SPRED2: variants seen among roughly 807,000 people sequenced by gnomAD.
SPRED2 encodes sprouty related EVH1 domain containing 2.
SPRED2 carries 47 observed loss-of-function variants against 43.0 expected under a neutral mutation model. The observed-to-expected ratio is 1.09, with a 90% confidence interval of 0.87 to 1.40. The LOEUF (loss-of-function observed/expected upper bound fraction) is 1.40. SPRED2 is among the 40% of genes most tolerant of loss of function. The probability of loss-of-function intolerance (pLI) is 0.00; values close to 1 mark genes in which losing one functional copy is unlikely to be tolerated. For missense variants in SPRED2, 561 were observed against 586.4 expected, an observed-to-expected ratio of 0.96 and a Z score of 0.45; for synonymous variants, 225 against 225.7, an observed-to-expected ratio of 1.00 and a Z score of 0.03.
At chr2:65,376,152 T>C (rs372925765) in intron 1 of SPRED2, among the ~76,000 whole-genome samples, 8 of 152,334 alleles carry the variant, frequency 5.3e-5, no homozygotes, top group African/African-American at 1.9e-4. Flanking sequence ...CATAGGCACC[T>C]GCCTTCCCTG....
rs1394541145 is a variant in SPRED2 at position 65,374,017 on chromosome 2, CA to C, written c.27-29122del. On this transcript the variant is annotated intron_variant, in intron 1 of 5. Coordinates refer to ENST00000356388, the MANE Select transcript of SPRED2 (RefSeq NM_181784.3). ...CAGACGAATGTAAGAGTCTTACAGGCATCCACAGTATGTGAGGCACGTTTGC... is the reference window on the plus strand; with the variant it reads ...CAGACGAATGTAAGAGTCTTACAGGCTCCACAGTATGTGAGGCACGTTTGC... 2.0e-5 allele frequency: 3 copies of C among 152,322 alleles called. No homozygotes were observed. The East Asian group carries it at 5.8e-4, about 29-fold the overall frequency. 9.4% of individuals were successfully genotyped at this position (152,322 alleles called of 1,614,324 possible).
At chr2:65,431,741 C>A (rs902873901) in intron 1 of SPRED2, among the ~76,000 whole-genome samples, 4 of 152,168 alleles carry the variant, frequency 2.6e-5, no homozygotes, top group African/African-American at 4.8e-5. Flanking sequence ...GAGCTGCCAC[C>A]AGCCCGCCGA....
intron 1 of SPRED2, among the ~76,000 whole-genome samples, chr2:65,379,993 G>GCA (rs1449983993): frequency 7.2e-5 from 11 of 152,118 alleles, no homozygotes; most frequent in Admixed American, 7.2e-4. Context: ...TCTGTCCGTG[G>GCA]CACTATACAA....
chr2:65,354,323 A>G (rs1329211974), intron 1 of SPRED2, among the ~76,000 whole-genome samples: 1 of 152,204 alleles, frequency 6.6e-6, no homozygotes, highest in Non-Finnish European at 1.5e-5. Context: ...GGTGATACCC[A>G]CGGCATTAGC....
chr2:65,322,268 C>A (rs868714610), intron 4 of SPRED2, among the ~76,000 whole-genome samples: 3,669 of 37,380 alleles, frequency 0.098, 129 homozygotes, highest in African/African-American at 0.14. Context: ...CTCTCTCTCT[C>A]TCTATATATA....
At chr2:65,365,768 T>G (rs2104327974) in intron 1 of SPRED2, among the ~76,000 whole-genome samples, 1 of 152,316 alleles carries the variant, frequency 6.6e-6, no homozygotes. Context: ...AGACACTGAA[T>G]AGACTGTCAA....
chr2:65,319,211 G>A (rs1257888675), intron 4 of SPRED2, among the ~76,000 whole-genome samples: 2 of 152,128 alleles, frequency 1.3e-5, no homozygotes, highest in African/African-American at 4.8e-5. Context: ...CTCTACTTGG[G>A]TTTGGTCTAT....
At chr2:65,400,185 A>T (rs528746359) in intron 1 of SPRED2, among the ~76,000 whole-genome samples, 1 of 152,162 alleles carries the variant, frequency 6.6e-6, no homozygotes, top group African/African-American at 2.4e-5. Flanking sequence ...AATCCTTCTT[A>T]AATAGTTATA....
intron 4 of SPRED2, among the ~76,000 whole-genome samples, chr2:65,322,229 CCTCTCTCTCTCTCTCT>C (rs71905140): frequency 0.015 from 905 of 61,300 alleles, 27 homozygotes; most frequent in Middle Eastern, 0.04. Context: ...GGTCTCCTTT[CCTCTCTCTCTCTCTCT>C]CTCTCTCTCT....
At chr2:65,380,350 T>A (rs891773074) in intron 1 of SPRED2, among the ~76,000 whole-genome samples, 4 of 152,118 alleles carry the variant, frequency 2.6e-5, no homozygotes, top group Non-Finnish European at 4.4e-5. Flanking sequence ...TGCGTACTCA[T>A]CCCCAAACCC....
intron 1 of SPRED2, among the ~76,000 whole-genome samples, chr2:65,349,558 C>A (rs1224347566): frequency 6.6e-6 from 1 of 152,218 alleles, no homozygotes; most frequent in African/African-American, 2.4e-5. Flanking sequence ...AAACTCTGTG[C>A]ACCTCTTGTT....
At chr2:65,384,326 G>A (rs1193868072) in intron 1 of SPRED2, among the ~76,000 whole-genome samples, 4 of 151,980 alleles carry the variant, frequency 2.6e-5, no homozygotes, top group African/African-American at 9.7e-5. Flanking sequence ...ACTGCTTATG[G>A]AATAAAGTCA....
At chr2:65,317,445 G>A (rs998491103) in intron 4 of SPRED2, among the ~76,000 whole-genome samples, 5 of 152,046 alleles carry the variant, frequency 3.3e-5, no homozygotes, top group Admixed American at 6.6e-5. Context: ...CCCGGGAAGC[G>A]GAGGCTGCAG....
intron 1 of SPRED2, among the ~76,000 whole-genome samples, chr2:65,345,108 A>G (rs1046203756): frequency 6.6e-6 from 1 of 152,230 alleles, no homozygotes; most frequent in African/African-American, 2.4e-5. Flanking sequence ...TTTAAAAAAG[A>G]TAAGTAATTA....
chr2:65,426,705 A>T (rs768397111), intron 1 of SPRED2, among the ~76,000 whole-genome samples: 19 of 152,226 alleles, frequency 1.2e-4, no homozygotes, highest in Non-Finnish European at 2.4e-4. Context: ...GGGCATGAGC[A>T]GAATGTCACC....
At chr2:65,409,157 C>T (rs771775131) in intron 1 of SPRED2, among the ~76,000 whole-genome samples, 11 of 152,156 alleles carry the variant, frequency 7.2e-5, no homozygotes, top group East Asian at 3.9e-4. Context: ...TAACACTGGT[C>T]GCACAGCTAA....
chr2:65,327,148 G>A (rs1478029439), intron 4 of SPRED2, among the ~76,000 whole-genome samples: 1 of 152,142 alleles, frequency 6.6e-6, no homozygotes, highest in Non-Finnish European at 1.5e-5. Context: ...GAGCCACCAT[G>A]CACGGCCTCT....
At chr2:65,343,697 C>T (rs1674254417) in intron 2 of SPRED2, among the ~76,000 whole-genome samples, 2 of 152,182 alleles carry the variant, frequency 1.3e-5, no homozygotes, top group South Asian at 2.1e-4. Context: ...AGATTTTGGA[C>T]ATTCAATTTT....
intron 5 of SPRED2, among the ~76,000 whole-genome samples, chr2:65,315,538 C>A (rs57652981): frequency 0.039 from 6,011 of 152,306 alleles, 139 homozygotes; most frequent in South Asian, 0.13. Flanking sequence ...TTTTGAAAAT[C>A]ATGATTTCAG....
Sources: allele counts gnomAD v4.1 joint callset (sites outside exome capture counted in the v4.1 genomes callset), GRCh38; gene constraint gnomAD v4.1.1; transcripts MANE v1.5; gene names NCBI Gene and HGNC (gene_info 2026-07-23, HGNC 2026-07-21).